The following RIMS1 variants were observed in gnomAD, a reference collection of about 807,000 sequenced individuals.
RIMS1 encodes regulating synaptic membrane exocytosis 1, also known as regulating synaptic membrane exocytosis protein 1.
In RIMS1, 83 loss-of-function variants were observed where a neutral mutation model predicts 214.1. That is an observed-to-expected ratio of 0.39 (90% CI 0.32 to 0.47). The LOEUF is 0.47. RIMS1 is among the 20% of genes least tolerant of loss of function. The probability of loss-of-function intolerance (pLI) is 0.99; values close to 1 mark genes in which losing one functional copy is unlikely to be tolerated. For synonymous variants in RIMS1, 793 were observed against 786.8 expected (o/e 1.01, Z -0.13); for missense variants, 2,050 against 2,161.8 (o/e 0.95, Z 1.03).
At chr6:72,153,010 A>G (rs12199956) in intron 4 of RIMS1, among the ~76,000 whole-genome samples, 6 of 6,774 alleles carry the variant, frequency 8.9e-4, no homozygotes, top group Non-Finnish European at 8.3e-3. Context: ...TTATATATGT[A>G]TATATATGTG....
At chr6:72,318,066 C>G (rs2095911522) in intron 28 of RIMS1, among the ~76,000 whole-genome samples, 1 of 152,120 alleles carries the variant, frequency 6.6e-6, no homozygotes, top group South Asian at 2.1e-4. Flanking sequence ...TTCAATCTAA[C>G]TATTCACTGT....
At chr6:72,338,384 A>G (rs1258432391) in intron 29 of RIMS1, among the ~76,000 whole-genome samples, 4 of 151,988 alleles carry the variant, frequency 2.6e-5, no homozygotes, top group African/African-American at 7.2e-5. Flanking sequence ...AAACCTAGGC[A>G]ATGCCATTCA....
At chr6:72,338,054 T>C (rs996661242) in intron 29 of RIMS1, among the ~76,000 whole-genome samples, 8 of 151,708 alleles carry the variant, frequency 5.3e-5, no homozygotes, top group Admixed American at 2.0e-4. Context: ...TAAACATACG[T>C]GTGTATGTGT....
chr6:72,242,492 G>A lies in RIMS1; in HGVS notation c.2081+55G>A, dbSNP rs200187083. The A allele has an allele frequency of 7.3e-4, 959 of 1,307,750 alleles. 9 individuals are homozygous for A. In the South Asian group the frequency reaches 8.5e-3, roughly 12 times the overall value. The allele number at this position is 1,307,750 out of a possible 1,614,324, so 81.0% of individuals were successfully genotyped here. A position where few individuals can be genotyped will look rare whatever the true frequency, so the allele number is the denominator to read the frequency against. ...TTAGTAAATTACATGTATTAGTAGG[G>A]TTTTAAAAAGAATTTTATACATTCA... is the stretch of plus-strand genomic sequence containing the variant. On this transcript the variant is annotated intron_variant, in intron 10 of 33. Transcript: ENST00000521978.
At chr6:72,129,367 G>T (rs1262503707) in intron 4 of RIMS1, among the ~76,000 whole-genome samples, 2 of 152,094 alleles carry the variant, frequency 1.3e-5, no homozygotes, top group Non-Finnish European at 2.9e-5. Context: ...TGTTTAGGAT[G>T]ATGAGATTAG....
At chr6:72,054,707 G>A (rs1825695659) in intron 2 of RIMS1, among the ~76,000 whole-genome samples, 1 of 151,874 alleles carries the variant, frequency 6.6e-6, no homozygotes, top group East Asian at 1.9e-4. Context: ...ATGTTTGTTG[G>A]CTGCATAAAT....
intron 29 of RIMS1, among the ~76,000 whole-genome samples, chr6:72,337,190 G>A (rs999554853): frequency 2.0e-5 from 3 of 151,774 alleles, no homozygotes; most frequent in Non-Finnish European, 4.4e-5. Context: ...CTGCAGGTTG[G>A]GTTTTAAAAT....
At chr6:72,326,393 A>G (rs578063403) in intron 28 of RIMS1, among the ~76,000 whole-genome samples, 10 of 151,972 alleles carry the variant, frequency 6.6e-5, no homozygotes, top group Admixed American at 1.3e-4. Flanking sequence ...ATGAAGGTAC[A>G]GATTTGATTG....
intron 1 of RIMS1, among the ~76,000 whole-genome samples, chr6:71,925,702 G>A (rs114314823): frequency 0.021 from 3,252 of 152,282 alleles, 115 homozygotes; most frequent in African/African-American, 0.073. Context: ...AGCTGTTTAA[G>A]TTAGTGACTG....
intron 6 of RIMS1, among the ~76,000 whole-genome samples, chr6:72,227,218 T>G (rs1194338415): frequency 1.3e-5 from 2 of 152,026 alleles, no homozygotes; most frequent in Admixed American, 1.3e-4. Flanking sequence ...TTCAAATAAG[T>G]AAACTGCTGG....
At chr6:72,107,838 T>C (rs578135986) in intron 4 of RIMS1, among the ~76,000 whole-genome samples, 1 of 152,222 alleles carries the variant, frequency 6.6e-6, no homozygotes, top group South Asian at 2.1e-4. Flanking sequence ...TAGTGGTAGC[T>C]GCAGTAAATC....
intron 6 of RIMS1, among the ~76,000 whole-genome samples, chr6:72,214,853 C>A (rs971173008): frequency 6.6e-6 from 1 of 152,016 alleles, no homozygotes; most frequent in African/African-American, 2.4e-5. Flanking sequence ...TCCCAAGTAG[C>A]TGGGATTACA....
At position 71,940,766 on chromosome 6, in the gene RIMS1, G is replaced by A. The variant is rs1043560084; in HGVS notation, c.165-28217G>A. ...GTTTGATAATTGGCACTTAATGGAA[G>A]TTAGGTTTCCCCATTCCACAGAGAA... On this transcript the variant is annotated intron_variant, in intron 1 of 33. Transcript: ENST00000521978. Among the ~76,000 whole-genome samples the A allele has an allele frequency of 7.2e-5, 11 of 152,240 alleles. No homozygotes were observed. The South Asian group carries it at 1.0e-3, about 14-fold the overall frequency.
Position 72,333,636 on chromosome 6 carries a change from G to A in RIMS1, c.4167G>A (p.Gly1389=). ...CCAAAATGCAAGGCAGACGGATGGGGACTTCAGGAAGATCCATCATGAAGA... is the reference window on the plus strand; with the variant it reads ...CCAAAATGCAAGGCAGACGGATGGGAACTTCAGGAAGATCCATCATGAAGA... The part of the protein sequence containing the change: ...FTPKMQGRRM[G]TSGRSIMKST... The change falls in exon 29 of 34, where the codon GGG becomes GGA. Residue 1389 remains glycine, a synonymous_variant. Transcript: ENST00000521978. The A allele has an allele frequency of 1.3e-6, 2 of 1,596,376 alleles. No homozygotes were observed. The highest frequency in any genetic ancestry group is 1.7e-6 in the Non-Finnish European group (2 of 1,171,088).
At chr6:72,196,590 T>TTTTTTTTTTTTGTTTTTTTTG (rs2051004536) in intron 6 of RIMS1, among the ~76,000 whole-genome samples, 1 of 128,836 alleles carries the variant, frequency 7.8e-6, no homozygotes, top group Non-Finnish European at 1.7e-5. Context: ...CTTTTTTTTT[T>TTTTTTTTTTTTGTTTTTTTTG]TTTTTTTTTT....
At chr6:72,389,236 T>C (rs2098663458) in intron 29 of RIMS1, among the ~76,000 whole-genome samples, 1 of 152,064 alleles carries the variant, frequency 6.6e-6, no homozygotes, top group Admixed American at 6.6e-5. Context: ...AAAGAAAAAA[T>C]AGTTCCCAAA....
rs2069261023 is a variant in RIMS1 at position 72,245,804 on chromosome 6, G to C, written c.2082-11G>C. The C allele has an allele frequency of 6.2e-7, 1 of 1,604,950 alleles. No individual in the cohort carries two copies. The highest frequency in any genetic ancestry group is 1.1e-5 in the South Asian group (1 of 90,894). On this transcript the variant is annotated splice_polypyrimidine_tract_variant and intron_variant, in intron 10 of 33. Coordinates refer to ENST00000521978, the MANE Select transcript of RIMS1 (RefSeq NM_014989.7). Reference sequence around the variant, plus strand: ...ACTAATGGGATTTTCACCATATCCTGTTTCTTTTAGTGACATTCCCCGGAT... The same window carrying C: ...ACTAATGGGATTTTCACCATATCCTCTTTCTTTTAGTGACATTCCCCGGAT...
chr6:72,085,364 TG>T (rs1252705190), intron 2 of RIMS1, among the ~76,000 whole-genome samples: 3 of 152,134 alleles, frequency 2.0e-5, no homozygotes, highest in Non-Finnish European at 2.9e-5. Flanking sequence ...CAAAACACTG[TG>T]ATGCTTTTTA....
At chr6:72,029,939 G>A (rs1446783813) in intron 2 of RIMS1, among the ~76,000 whole-genome samples, 14 of 152,070 alleles carry the variant, frequency 9.2e-5, no homozygotes, top group Non-Finnish European at 2.9e-5. Context: ...ACTAGAAATG[G>A]CATATTTCAA....
Sources: gnomAD v4.1 joint callset for allele counts (sites outside exome capture counted in the v4.1 genomes callset) on GRCh38, gnomAD v4.1.1 for gene constraint, MANE v1.5 for transcripts, NCBI Gene and HGNC (gene_info 2026-07-23, HGNC 2026-07-21) for gene names.